Variants in BNC2 observed in about 807,000 individuals in gnomAD.
The protein encoded by BNC2 is basonuclin zinc finger protein 2, also known as zinc finger protein basonuclin-2.
In BNC2, 20 loss-of-function variants were observed where a neutral mutation model predicts 76.3. The ratio of observed to expected loss-of-function variants is 0.26; its 90% CI spans 0.18 to 0.38. The LOEUF (loss-of-function observed/expected upper bound fraction) is 0.38, where lower values mean the gene tolerates loss of function less well. Ranked by LOEUF, BNC2 falls within the 10% of genes least tolerant of loss-of-function variation. The probability of loss-of-function intolerance (pLI) is 1.00; values close to 1 mark genes in which losing one functional copy is unlikely to be tolerated. For missense variants in BNC2, 1,382 were observed against 1,399.8 expected (o/e 0.99, Z 0.20); for synonymous variants, 582 against 514.8 (o/e 1.13, Z -1.77).
At chr9:16,857,002 G>A (rs1819274506) in intron 1 of BNC2, among the ~76,000 whole-genome samples, 1 of 152,122 alleles carries the variant, frequency 6.6e-6, no homozygotes, top group Non-Finnish European at 1.5e-5. Context: ...TAGCATATAT[G>A]ATTTTGTCAG....
In BNC2 at chr9:16,493,163, T is replaced by G. The variant is rs190524570; in HGVS notation, c.670-55639A>C. 4.8e-4 allele frequency among the ~76,000 whole-genome samples: 73 copies of G among 152,292 alleles called. 1 individual carries two copies. Among genetic ancestry groups the G allele is most frequent in the Middle Eastern group, 3.4e-3 (1 of 294 alleles). Reference sequence around the variant, plus strand: ...TAAAGTACGCACGCAGAAAAAGCACTCATTATCAACACACAGGTAAGCAAA... The same window carrying G: ...TAAAGTACGCACGCAGAAAAAGCACGCATTATCAACACACAGGTAAGCAAA... On this transcript the variant is annotated intron_variant, in intron 5 of 6. Transcript: ENST00000380672.
chr9:16,666,399 T>G (rs1044745494), intron 3 of BNC2, among the ~76,000 whole-genome samples: 43 of 152,222 alleles, frequency 2.8e-4, no homozygotes, highest in African/African-American at 9.6e-4. Context: ...CTCAACATCA[T>G]GAATCCTCCA....
intron 1 of BNC2, among the ~76,000 whole-genome samples, chr9:16,787,772 A>C (rs1395251973): frequency 6.6e-6 from 1 of 152,064 alleles, no homozygotes; most frequent in Non-Finnish European, 1.5e-5. Context: ...GCTGGTCTTG[A>C]ACTTCTTGCT....
chr9:16,751,900 G>C (rs1226011039), intron 1 of BNC2, among the ~76,000 whole-genome samples: 2 of 151,652 alleles, frequency 1.3e-5, no homozygotes, highest in Admixed American at 1.3e-4. Flanking sequence ...ATGGTGGCGG[G>C]CGCCTGTAAT....
At chr9:16,691,235 A>C (rs1274716896) in intron 3 of BNC2, among the ~76,000 whole-genome samples, 2 of 152,178 alleles carry the variant, frequency 1.3e-5, no homozygotes, top group Non-Finnish European at 2.9e-5. Context: ...CAAGTAAGGA[A>C]GGGGAGAAAT....
chr9:16,541,609 G>C (rs1213436451), intron 5 of BNC2, among the ~76,000 whole-genome samples: 1 of 152,158 alleles, frequency 6.6e-6, no homozygotes, highest in African/African-American at 2.4e-5. Context: ...AGTGTATTTT[G>C]TTGTTGTTAA....
At chr9:16,598,195 G>C (rs758390819) in intron 3 of BNC2, among the ~76,000 whole-genome samples, 5 of 152,148 alleles carry the variant, frequency 3.3e-5, no homozygotes, top group Non-Finnish European at 5.9e-5. Flanking sequence ...AGACTGCTAA[G>C]AAGCTATCAA....
chr9:16,801,431 T>C (rs937431406), intron 1 of BNC2, among the ~76,000 whole-genome samples: 2 of 149,398 alleles, frequency 1.3e-5, no homozygotes, highest in African/African-American at 2.5e-5. Flanking sequence ...AGAGATGGGG[T>C]TTCACCATCT....
At chr9:16,687,899 A>G (rs1210861250) in intron 3 of BNC2, among the ~76,000 whole-genome samples, 1 of 152,204 alleles carries the variant, frequency 6.6e-6, no homozygotes, top group Non-Finnish European at 1.5e-5. Context: ...AAGAGAAAAC[A>G]TAAAGGTCTG....
chr9:16,856,265 T>A (rs367559498), intron 1 of BNC2, among the ~76,000 whole-genome samples: 33 of 98,238 alleles, frequency 3.4e-4, no homozygotes, highest in African/African-American at 8.3e-4. Flanking sequence ...TCACACACAC[T>A]CTCTCTCTCT....
chr9:16,833,013 C>G (rs904345157), intron 1 of BNC2, among the ~76,000 whole-genome samples: 15 of 152,208 alleles, frequency 9.9e-5, no homozygotes, highest in African/African-American at 3.4e-4. Context: ...TGTAAGCCCC[C>G]CCGCCCTACC....
At chr9:16,671,502 C>CG (rs767556989) in intron 3 of BNC2, among the ~76,000 whole-genome samples, 1 of 152,162 alleles carries the variant, frequency 6.6e-6, no homozygotes, top group Non-Finnish European at 1.5e-5. Context: ...ACCCCAACAT[C>CG]AGCCTTTACC....
intron 6 of BNC2, chr9:16,421,337 G>A (rs1563775457): frequency 8.2e-7 from 1 of 1,222,796 alleles, no homozygotes; most frequent in South Asian, 1.3e-5. Context: ...GAGACAGAGA[G>A]AGAGAAAGAA....
At chr9:16,625,825 G>C (rs924146069) in intron 3 of BNC2, 1 of 152,206 alleles carries the variant, frequency 6.6e-6, no homozygotes, top group Non-Finnish European at 1.5e-5. Context: ...CTGGACAGTA[G>C]GAATGCATGT....
chr9:16,579,865 T>C (rs140872205), intron 4 of BNC2: 1 of 369,904 alleles, frequency 2.7e-6, no homozygotes, highest in East Asian at 4.0e-5. Context: ...AGAGAATACA[T>C]GATTTTGGCA....
chr9:16,509,457 G>C (rs1427570039), intron 5 of BNC2, among the ~76,000 whole-genome samples: 6 of 152,108 alleles, frequency 3.9e-5, no homozygotes, highest in Non-Finnish European at 8.8e-5. Flanking sequence ...AATTTCACTA[G>C]TAACATTGGT....
intron 3 of BNC2, among the ~76,000 whole-genome samples, chr9:16,651,606 G>A (rs1263951386): frequency 1.3e-5 from 2 of 152,098 alleles, no homozygotes; most frequent in African/African-American, 4.8e-5. Flanking sequence ...AAAGGGTGAT[G>A]TATTTATAAT....
chr9:16,482,737 T>C (rs1822085860), intron 5 of BNC2, among the ~76,000 whole-genome samples: 1 of 152,222 alleles, frequency 6.6e-6, no homozygotes, highest in Admixed American at 6.5e-5. Context: ...CTAATTTAAA[T>C]GAATAAACTC....
At chr9:16,771,710 C>A (rs1452866170) in intron 1 of BNC2, among the ~76,000 whole-genome samples, 1 of 152,146 alleles carries the variant, frequency 6.6e-6, no homozygotes, top group Non-Finnish European at 1.5e-5. Flanking sequence ...ACACTCTTAC[C>A]ATTTATATTT....
Sources: allele counts gnomAD v4.1 joint callset (sites outside exome capture counted in the v4.1 genomes callset), GRCh38; gene constraint gnomAD v4.1.1; transcripts MANE v1.5; gene names NCBI Gene and HGNC (gene_info 2026-07-23, HGNC 2026-07-21).